Variants in SRRM3 observed in about 807,000 individuals in gnomAD.
SRRM3 encodes serine/arginine repetitive matrix protein 3.
SRRM3 carries 27 observed loss-of-function variants against 66.2 expected under a neutral mutation model. That is an observed-to-expected ratio of 0.41 (90% CI 0.30 to 0.56). SRRM3 has a LOEUF of 0.56. SRRM3 is among the 20% of genes least tolerant of loss of function. The probability of loss-of-function intolerance (pLI) is 0.32; values close to 1 mark genes in which losing one functional copy is unlikely to be tolerated. For synonymous variants in SRRM3, 391 were observed against 414.9 expected, an observed-to-expected ratio of 0.94 and a Z score of 0.70; for missense variants, 918 against 991.9, an observed-to-expected ratio of 0.93 and a Z score of 1.00.
At chr7:76,262,378 C>T (rs1270535822) in intron 8 of SRRM3, among the ~76,000 whole-genome samples, 8 of 151,672 alleles carry the variant, frequency 5.3e-5, no homozygotes, top group Admixed American at 1.3e-4. Context: ...TGGTGGCAAG[C>T]GCCTGTAATC....
chr7:76,221,402 G>T (rs1166754104), intron 1 of SRRM3, among the ~76,000 whole-genome samples: 7 of 125,064 alleles, frequency 5.6e-5, no homozygotes, highest in Non-Finnish European at 9.3e-5. Flanking sequence ...TCGCTCTGTC[G>T]CCCAGGCTGG....
In SRRM3 at chr7:76,248,190, A is replaced by G. The variant is rs782347319; in HGVS notation, c.236A>G (p.Tyr79Cys). Residue 79 changes from tyrosine to cysteine, a missense_variant and splice_region_variant, in exon 3 of 15, where the codon TAT becomes TGT. Coordinates refer to ENST00000611745, the MANE Select transcript of SRRM3 (RefSeq NM_001110199.3). ...ELQEMMEEQG[Y>C]SEEEIRQKVG... is the part of the protein sequence containing the mutation. ...TCACCCTCTCTGTGCCCCTGCAGGT[A>G]TTCGGAGGAGGAGATTCGGCAGAAA... 2 of 1,612,374 alleles carry G rather than the reference A, an allele frequency of 1.2e-6. No individual in the cohort carries two copies. Among genetic ancestry groups the G allele is most frequent in the African/African-American group, 2.7e-5 (2 of 74,914 alleles).
intron 1 of SRRM3, among the ~76,000 whole-genome samples, chr7:76,215,055 A>C (rs1265044232): frequency 2.0e-5 from 3 of 152,058 alleles, no homozygotes; most frequent in South Asian, 4.1e-4. Flanking sequence ...AAAAAAAAAA[A>C]AAAACAGGAA....
At chr7:76,283,191 G>C in intron 14 of SRRM3, 90 bp downstream of exon 14, 1 of 1,282,060 alleles carries the variant, frequency 7.8e-7, no homozygotes, top group Non-Finnish European at 9.9e-7. Flanking sequence ...GACCTTCTCT[G>C]AGGATCCACT....
intron 3 of SRRM3, among the ~76,000 whole-genome samples, chr7:76,255,946 C>A (rs1013389820): frequency 6.6e-6 from 1 of 152,136 alleles, no homozygotes; most frequent in East Asian, 1.9e-4. Context: ...ACGGTGGCTA[C>A]CCCTCCCCGG....
intron 2 of SRRM3, among the ~76,000 whole-genome samples, chr7:76,237,670 A>G (rs1200726518): frequency 6.6e-6 from 1 of 152,048 alleles, no homozygotes; most frequent in African/African-American, 2.4e-5. Context: ...GGCAGAGGAC[A>G]AGAGGGTTGA....
chr7:76,215,082 G>A (rs973495438), intron 1 of SRRM3, among the ~76,000 whole-genome samples: 1 of 151,390 alleles, frequency 6.6e-6, no homozygotes, highest in Non-Finnish European at 1.5e-5. Flanking sequence ...GCAGTATAGG[G>A]TAGATAAAAT....
intron 3 of SRRM3, among the ~76,000 whole-genome samples, chr7:76,258,713 CA>C (rs201265747): frequency 0.4 from 27,059 of 68,140 alleles, 2,831 homozygotes; most frequent in East Asian, 0.57. Flanking sequence ...GACTCCATCT[CA>C]AAAAAAAAAA....
chr7:76,229,695 G>A (rs1480989825), intron 1 of SRRM3, among the ~76,000 whole-genome samples: 1 of 150,668 alleles, frequency 6.6e-6, no homozygotes, highest in Non-Finnish European at 1.5e-5. Context: ...CCCAGCTTCA[G>A]AATGTGGCAC....
rs139504979 is a variant in SRRM3 at position 76,239,770 on chromosome 7, G to A, written c.233+4471G>A. Among the ~76,000 whole-genome samples, 26 of 152,280 alleles carry A rather than the reference G, an allele frequency of 1.7e-4. 1 individual carries two copies. The East Asian group carries it at 4.8e-3, about 28-fold the overall frequency. ...AAGGTCACTGTCTGGCCTAATGTAGGAATTCATGCCTGTAATCCCAGTACT... is the reference window on the plus strand; with the variant it reads ...AAGGTCACTGTCTGGCCTAATGTAGAAATTCATGCCTGTAATCCCAGTACT... On this transcript the variant is annotated intron_variant, in intron 2 of 14. Transcript: ENST00000611745.
chr7:76,213,371 G>A (rs1169603413), intron 1 of SRRM3, among the ~76,000 whole-genome samples: 10 of 152,032 alleles, frequency 6.6e-5, no homozygotes, highest in Non-Finnish European at 1.3e-4. Flanking sequence ...TCTGTGTGCC[G>A]GCACTGCTGC....
intron 10 of SRRM3, among the ~76,000 whole-genome samples, chr7:76,266,669 T>G (rs958867185): frequency 1.5e-5 from 2 of 134,108 alleles, no homozygotes; most frequent in Non-Finnish European, 3.1e-5. Flanking sequence ...ATTATATATA[T>G]TTATATATAT....
intron 1 of SRRM3, among the ~76,000 whole-genome samples, chr7:76,216,970 A>C (rs1554602668): frequency 6.6e-6 from 1 of 152,140 alleles, no homozygotes; most frequent in Non-Finnish European, 1.5e-5. Context: ...ATTGGAGCTG[A>C]GTCAATAGAG....
chr7:76,206,686 G>T (rs1199070051), intron 1 of SRRM3, among the ~76,000 whole-genome samples: 1 of 152,164 alleles, frequency 6.6e-6, no homozygotes, highest in Admixed American at 6.5e-5. Context: ...TAGAAGACAG[G>T]CCCCTGGGGC....
chr7:76,215,444 C>G (rs908416784), intron 1 of SRRM3, among the ~76,000 whole-genome samples: 2 of 145,116 alleles, frequency 1.4e-5, no homozygotes, highest in Non-Finnish European at 3.0e-5. Flanking sequence ...CTCTGTTGCC[C>G]AGAATGGAGT....
intron 3 of SRRM3, among the ~76,000 whole-genome samples, chr7:76,253,634 A>T (rs1204238608): frequency 2.6e-5 from 4 of 151,336 alleles, no homozygotes; most frequent in Admixed American, 1.3e-4. Context: ...AAAATTAAAA[A>T]AATAAAATAA....
chr7:76,261,051 G>T (rs911477859), intron 6 of SRRM3, 148 bp downstream of exon 6: 4 of 811,522 alleles, frequency 4.9e-6, no homozygotes, highest in Admixed American at 2.9e-5. Context: ...CCCTACAGAG[G>T]CCGTGAATCC....
In SRRM3 at chr7:76,281,745, C is replaced by G. The variant is rs1299648627; in HGVS notation, c.1313C>G (p.Ala438Gly). The stretch of plus-strand genomic sequence containing the variant: ...AGCGACTCCGGCAGCGGCCGCGGCG[C>G]CCCCGGCCCCGGGCCCGAGCCCGGC... ...SSSDSGSGRGAPGPGPEPGSE... is the reference protein window; with the variant it reads ...SSSDSGSGRGGPGPGPEPGSE... Residue 438 changes from alanine to glycine, a missense_variant, in exon 12 of 15, where the codon GCC becomes GGC. Coordinates refer to ENST00000611745, the MANE Select transcript of SRRM3 (RefSeq NM_001110199.3). The G allele has an allele frequency of 7.5e-7, 1 of 1,337,318 alleles. No individual in the cohort carries two copies. Among genetic ancestry groups the G allele is most frequent in the Non-Finnish European group, 9.6e-7 (1 of 1,041,670 alleles). The allele number at this position is 1,337,318 out of a possible 1,614,324, so 82.8% of individuals were successfully genotyped here.
chr7:76,279,372 A>G (rs960517739), intron 11 of SRRM3, among the ~76,000 whole-genome samples: 1 of 151,964 alleles, frequency 6.6e-6, no homozygotes, highest in African/African-American at 2.4e-5. Flanking sequence ...CTAGGTGCCA[A>G]GTTCGGTGAT....
Sources: gnomAD v4.1 joint callset for allele counts (sites outside exome capture counted in the v4.1 genomes callset) on GRCh38, gnomAD v4.1.1 for gene constraint, MANE v1.5 for transcripts, NCBI Gene and HGNC (gene_info 2026-07-23, HGNC 2026-07-21) for gene names.